The following TOLLIP variants were observed in gnomAD, a reference collection of about 807,000 sequenced individuals.
TOLLIP encodes toll-interacting protein.
TOLLIP carries 16 observed loss-of-function variants against 33.5 expected under a neutral mutation model. The observed-to-expected ratio is 0.48, with a 90% CI of 0.32 to 0.72. TOLLIP has a LOEUF of 0.72. Among genes scored for constraint, TOLLIP ranks in the 30% least tolerant of loss-of-function variants. TOLLIP has a pLI of 0.03. For missense variants in TOLLIP, 325 were observed against 396.6 expected (o/e 0.82, Z 1.53); for synonymous variants, 176 against 163.7 (o/e 1.07, Z -0.57).
chr11:1,286,143 C>T, intron 4 of TOLLIP, 51 bp from the exon 5 acceptor site: 1 of 1,440,722 alleles, frequency 6.9e-7, no homozygotes, highest in Non-Finnish European at 9.6e-7. Flanking sequence ...ATCCACCCAT[C>T]AGAACCTCGG....
chr11:1,299,140 G>A (rs1346546261), intron 1 of TOLLIP, among the ~76,000 whole-genome samples: 2 of 152,336 alleles, frequency 1.3e-5, no homozygotes, highest in South Asian at 2.1e-4. Flanking sequence ...GGACCTCTTC[G>A]TGCCAGCTTT....
In TOLLIP at chr11:1,276,762, C is replaced by T. The variant is rs145715290; in HGVS notation, c.*277G>A. 520 of 1,493,746 alleles carry T rather than the reference C, an allele frequency of 3.5e-4. 1 individual carries two copies. In the African/African-American group the frequency reaches 6.0e-3, roughly 17 times the overall value. 92.5% of individuals were successfully genotyped at this position (1,493,746 alleles called of 1,614,324 possible). ...TCTACAGCAAGAGCATTTTCCAGAACGGCATGAGAAGGAGAGACGCACGTC... is the reference window on the plus strand; with the variant it reads ...TCTACAGCAAGAGCATTTTCCAGAATGGCATGAGAAGGAGAGACGCACGTC... On this transcript the variant is annotated 3_prime_UTR_variant, in exon 6 of 6. Coordinates refer to ENST00000317204, the MANE Select transcript of TOLLIP (RefSeq NM_019009.4).
rs202232442 is a variant in TOLLIP at position 1,290,151 on chromosome 11, T to C, written c.366+76A>G. 4 of 1,490,756 alleles carry C rather than the reference T, an allele frequency of 2.7e-6. No homozygotes were observed. The highest frequency in any genetic ancestry group is 3.7e-6 in the Non-Finnish European group (4 of 1,090,352). The allele number at this position is 1,490,756 out of a possible 1,614,324, so 92.3% of individuals were successfully genotyped here. On this transcript the variant is annotated intron_variant, in intron 3 of 5. Transcript: ENST00000317204. This position sits in a 1 kb window ranked among gnomAD's most constrained non-coding sequence, Gnocchi z 4.9. ...TCGAAGCCAGCCAGGAACGTGGCTG[T>C]GTTGGCAGGTGTGTCCCCACGGCAG...
At position 1,286,659 on chromosome 11, in the gene TOLLIP, T is replaced by C. The variant is rs140032126; in HGVS notation, c.520-567A>G. 4.0e-4 allele frequency among the ~76,000 whole-genome samples: 60 copies of C among 148,262 alleles called. 1 individual carries two copies. The East Asian group carries it at 0.012, about 29-fold the overall frequency. ...CTCCTGAGTTCAAAACTGTCAACTG[T>C]GGATAAGTCACTGCACCGCTGTCAT... On this transcript the variant is annotated intron_variant, in intron 4 of 5. Coordinates refer to ENST00000317204, the MANE Select transcript of TOLLIP (RefSeq NM_019009.4).
rs1264757639 is a variant in TOLLIP at position 1,293,412 on chromosome 11, G to C, written c.183+2233C>G. 2.6e-5 allele frequency among the ~76,000 whole-genome samples: 4 copies of C among 152,364 alleles called. No homozygotes were observed. The East Asian group carries it at 7.7e-4, about 29-fold the overall frequency. On this transcript the variant is annotated intron_variant, in intron 2 of 5. Coordinates refer to ENST00000317204, the MANE Select transcript of TOLLIP (RefSeq NM_019009.4). ...GAAGTCACCGGGATGTGTGGGCAGA[G>C]AGGGGAGGAGGGCTGAGGACCAGAC...
At chr11:1,285,402 G>A (rs1002384731) in intron 5 of TOLLIP, among the ~76,000 whole-genome samples, 2 of 152,364 alleles carry the variant, frequency 1.3e-5, no homozygotes, top group Non-Finnish European at 2.9e-5. Context: ...GTGGGGGCCG[G>A]TCTTGCACCA....
chr11:1,285,817 A>C (rs1420997761), intron 5 of TOLLIP, among the ~76,000 whole-genome samples, 185 bp downstream of exon 5: 1 of 152,204 alleles, frequency 6.6e-6, no homozygotes, highest in African/African-American at 2.4e-5. Flanking sequence ...ATGCAAACAA[A>C]ATTCAAACGT....
intron 2 of TOLLIP, among the ~76,000 whole-genome samples, chr11:1,294,190 T>C (rs1245174070): frequency 6.8e-6 from 1 of 147,804 alleles, no homozygotes; most frequent in Non-Finnish European, 1.5e-5. Context: ...CCTGCATTTC[T>C]ATGAAAGCCG....
chr11:1,294,960 G>C (rs12789854), intron 2 of TOLLIP, among the ~76,000 whole-genome samples: 11 of 14,742 alleles, frequency 7.5e-4, no homozygotes, highest in Non-Finnish European at 1.2e-3. Context: ...CGTGGCTCAC[G>C]GTGTGTCTCC....
intron 1 of TOLLIP, among the ~76,000 whole-genome samples, chr11:1,301,149 C>T (rs534805595): frequency 1.3e-5 from 2 of 152,346 alleles, no homozygotes; most frequent in African/African-American, 2.4e-5. Flanking sequence ...TCAAATCACA[C>T]GTAGAAATAA....
At chr11:1,293,806 C>T (rs548944544) in intron 2 of TOLLIP, among the ~76,000 whole-genome samples, 38 of 152,330 alleles carry the variant, frequency 2.5e-4, no homozygotes, top group Admixed American at 2.0e-3. Context: ...CGGCTGAGGA[C>T]GGGTGATGGC....
At chr11:1,288,369 C>G (rs1564970688) in intron 4 of TOLLIP, among the ~76,000 whole-genome samples, 1 of 152,202 alleles carries the variant, frequency 6.6e-6, no homozygotes, top group Non-Finnish European at 1.5e-5. Context: ...AAAGGGTTGG[C>G]TCATCTTAGG....
chr11:1,277,396 G>C lies in TOLLIP; in HGVS notation c.611-143C>G, dbSNP rs1322414711. ...TCGGGTCTCAGCAAACACCAGTCCC[G>C]CAAGACACCCTGGAAAGGCAAACCC... On this transcript the variant is annotated intron_variant, in intron 5 of 5. Coordinates refer to ENST00000317204, the MANE Select transcript of TOLLIP (RefSeq NM_019009.4). This position sits in a 1 kb window ranked among gnomAD's most constrained non-coding sequence, Gnocchi z 4.2. 1 of 620,818 alleles carries C rather than the reference G, an allele frequency of 1.6e-6. No homozygotes were observed. Among genetic ancestry groups the C allele is most frequent in the Non-Finnish European group, 2.6e-6 (1 of 386,010 alleles). The allele number at this position is 620,818 out of a possible 1,614,324, so 38.5% of individuals were successfully genotyped here. A position where few individuals can be genotyped will look rare whatever the true frequency, so the allele number is the denominator to read the frequency against.
At chr11:1,293,616 C>T (rs1864021143) in intron 2 of TOLLIP, among the ~76,000 whole-genome samples, 1 of 152,252 alleles carries the variant, frequency 6.6e-6, no homozygotes, top group South Asian at 2.1e-4. Context: ...CCACAGAAGG[C>T]TGGGTGAGCT....
At chr11:1,302,249 G>C (rs1056489845) in intron 1 of TOLLIP, among the ~76,000 whole-genome samples, 1 of 152,250 alleles carries the variant, frequency 6.6e-6, no homozygotes, top group Non-Finnish European at 1.5e-5. Context: ...CGCGCACCAG[G>C]GCTGAGACAC....
At chr11:1,306,860 C>A (rs915224579) in intron 1 of TOLLIP, among the ~76,000 whole-genome samples, 1 of 152,096 alleles carries the variant, frequency 6.6e-6, no homozygotes, top group African/African-American at 2.4e-5. Flanking sequence ...AGACCCCACA[C>A]CTCTCTTTCC....
rs1162619569 is a variant in TOLLIP, at chr11:1,290,475, C to T, written c.184-66G>A. ...TCAGGAGAGGGTGGGTTCTCTAGGC[C>T]GTCTGCCTCCCTGAACCCTTCCACG... On this transcript the variant is annotated intron_variant, in intron 2 of 5. Transcript: ENST00000317204. This position sits in a 1 kb window ranked among gnomAD's most constrained non-coding sequence, Gnocchi z 4.9. 49 of 1,501,890 alleles carry T rather than the reference C, an allele frequency of 3.3e-5. No homozygotes were observed. The East Asian group carries it at 4.3e-4, about 13-fold the overall frequency. The allele number at this position is 1,501,890 out of a possible 1,614,324, so 93.0% of individuals were successfully genotyped here. A position where few individuals can be genotyped will look rare whatever the true frequency, so the allele number is the denominator to read the frequency against.
At chr11:1,284,093 C>G (rs1385341828) in intron 5 of TOLLIP, among the ~76,000 whole-genome samples, 2 of 152,342 alleles carry the variant, frequency 1.3e-5, no homozygotes, top group East Asian at 3.9e-4. Context: ...TGGGGGGCAG[C>G]CAGGGCGCAT....
At chr11:1,298,808 C>T (rs922735440) in intron 1 of TOLLIP, among the ~76,000 whole-genome samples, 2 of 152,232 alleles carry the variant, frequency 1.3e-5, no homozygotes, top group African/African-American at 4.8e-5. Context: ...ATGACACACG[C>T]CTCACATCTG....
Sources: gnomAD v4.1 joint callset for allele counts (sites outside exome capture counted in the v4.1 genomes callset) on GRCh38, gnomAD v4.1.1 for gene constraint, Gnocchi (gnomAD v3.1) non-coding constraint, MANE v1.5 for transcripts, NCBI Gene and HGNC (gene_info 2026-07-23, HGNC 2026-07-21) for gene names.